The following PPIL2 variants were observed in gnomAD, a reference collection of about 807,000 sequenced individuals.
PPIL2 encodes the protein RING-type E3 ubiquitin-protein ligase PPIL2.
Under a neutral mutation model 75.2 loss-of-function variants are expected in PPIL2, and 50 were observed. That is an observed-to-expected ratio of 0.66 (90% CI 0.53 to 0.84). The LOEUF is 0.84. PPIL2 is among the 40% of genes least tolerant of loss of function. The pLI, the probability that PPIL2 is intolerant of heterozygous loss-of-function variation, is 0.00. For synonymous variants in PPIL2, 245 were observed against 258.8 expected, an observed-to-expected ratio of 0.95 and a Z score of 0.51; for missense variants, 590 against 685.0, an observed-to-expected ratio of 0.86 and a Z score of 1.55.
In PPIL2 at chr22:21,675,072, C is replaced by T. The variant is rs765581139; in HGVS notation, c.252C>T (p.Asp84=). ...GTNPSNGEKL[D]GRSLIKLNFS... is the part of the protein sequence containing the mutation. ...AACTGTGCTTCTTCCAGAAGCTGGA[C>T]GGGAGGTCCCTGATCAAGCTGAACT... The change falls in exon 6 of 20, where the codon GAC becomes GAT. Residue 84 remains aspartate, a synonymous_variant. Coordinates refer to ENST00000398831, the MANE Select transcript of PPIL2 (RefSeq NM_014337.4). 9.3e-6 allele frequency: 15 copies of T among 1,611,194 alleles called. No individual in the cohort carries two copies. Among genetic ancestry groups the T allele is most frequent in the East Asian group, 6.7e-5 (3 of 44,872 alleles).
intron 4 of PPIL2, among the ~76,000 whole-genome samples, chr22:21,671,635 T>C (rs1376000791): frequency 1.3e-5 from 2 of 152,118 alleles, no homozygotes; most frequent in African/African-American, 4.8e-5. Context: ...CTTGAACTCC[T>C]GCGCTGAAGC....
rs1251524001 is a variant in PPIL2 at position 21,697,837 on chromosome 22, A to G, written c.*2347A>G. 6.6e-6 allele frequency: 1 copy of G among 152,330 alleles called. No individual in the cohort carries two copies. The highest frequency in any genetic ancestry group is 1.5e-5 in the Non-Finnish European group (1 of 68,034). 9.4% of individuals were successfully genotyped at this position (152,330 alleles called of 1,614,324 possible). On this transcript the variant is annotated 3_prime_UTR_variant, in exon 20 of 20. Transcript: ENST00000398831. ...TTTAGAGCTTAATTTGTAGTTTTTT[A>G]GCTATTAAAACCATTTGAATTTTTA... is the stretch of plus-strand genomic sequence containing the variant.
chr22:21,687,702 C>T lies in PPIL2; in HGVS notation c.957C>T (p.Thr319=). ...RLCKKHYYDG[T]IFHRSIRNFV... ...GCAAGAAGCATTATTACGATGGCAC[C>T]ATCTTCCACAGATCCATCCGGAACT... The change falls in exon 13 of 20, where the codon ACC becomes ACT. Residue 319 remains threonine (T), a synonymous_variant. Coordinates refer to ENST00000398831, the MANE Select transcript of PPIL2 (RefSeq NM_014337.4). The T allele has an allele frequency of 6.2e-7, 1 of 1,614,070 alleles. No homozygotes were observed. The highest frequency in any genetic ancestry group is 8.5e-7 in the Non-Finnish European group (1 of 1,179,960).
chr22:21,691,012 C>T (rs1459704390), intron 15 of PPIL2, among the ~76,000 whole-genome samples: 1 of 132,474 alleles, frequency 7.5e-6, no homozygotes, highest in African/African-American at 2.9e-5. Flanking sequence ...TCACCCAGGC[C>T]GGAGTGCAAT....
intron 8 of PPIL2, 90 bp from the exon 9 acceptor site, chr22:21,683,092 C>T (rs1054709869): frequency 1.8e-6 from 2 of 1,133,522 alleles, no homozygotes; most frequent in East Asian, 2.3e-5. Flanking sequence ...CTCTTCCACA[C>T]CTCTGACAGC....
intron 6 of PPIL2, among the ~76,000 whole-genome samples, chr22:21,680,912 G>A (rs567394745): frequency 2.7e-5 from 4 of 150,630 alleles, no homozygotes; most frequent in Non-Finnish European, 5.9e-5. Flanking sequence ...TCTGAAGGAA[G>A]AGCTGACCAG....
At chr22:21,695,167 G>A (rs1161211525) in intron 19 of PPIL2, 97 bp downstream of exon 19, 15 of 1,451,866 alleles carry the variant, frequency 1.0e-5, no homozygotes, top group Middle Eastern at 2.3e-4. Flanking sequence ...CAAGCTATGG[G>A]CACTGGTCCC....
intron 15 of PPIL2, among the ~76,000 whole-genome samples, chr22:21,691,590 G>C (rs1167896123): frequency 6.6e-6 from 1 of 151,908 alleles, no homozygotes; most frequent in Admixed American, 6.6e-5. Context: ...TGAGGCAGGA[G>C]AATGGCGTGA....
At position 21,692,436 on chromosome 22, in the gene PPIL2, G is replaced by C. The variant is rs965045587; in HGVS notation, c.1140-1380G>C. 4.0e-5 allele frequency among the ~76,000 whole-genome samples: 6 copies of C among 151,728 alleles called. No individual in the cohort carries two copies. The East Asian group carries it at 9.8e-4, about 25-fold the overall frequency. On this transcript the variant is annotated intron_variant, in intron 15 of 19. Coordinates refer to ENST00000398831, the MANE Select transcript of PPIL2 (RefSeq NM_014337.4). ...CCCAAAGTGCTGGGATTACAGGCGT[G>C]AGCCACTGTGCCTGGCCAATCCTGA...
At position 21,693,890 on chromosome 22, in the gene PPIL2, G is replaced by A; in HGVS notation, c.1196+18G>A. On this transcript the variant is annotated intron_variant, in intron 16 of 19. Transcript: ENST00000398831. ...TTTGGACGGTAAGGGAAGCGGCTGT[G>A]TGAAGCCTGGGGGGTCAGTGGGCTA... 6.5e-7 allele frequency: 1 copy of A among 1,529,816 alleles called. No individual in the cohort carries two copies. 94.8% of individuals were successfully genotyped at this position (1,529,816 alleles called of 1,614,324 possible). A position where few individuals can be genotyped will look rare whatever the true frequency, so the allele number is the denominator to read the frequency against.
intron 10 of PPIL2, 34 bp from the exon 11 acceptor site, chr22:21,686,435 ACTGCCTCCCATGGC>A (rs1569036271): frequency 1.3e-6 from 2 of 1,568,078 alleles, no homozygotes; most frequent in South Asian, 2.2e-5. Context: ...TCCCCACCCA[ACTGCCTCCCATGGC>A]ACTGCTGAGG....
intron 6 of PPIL2, among the ~76,000 whole-genome samples, chr22:21,677,197 C>T (rs1669118): frequency 0.25 from 37,274 of 151,548 alleles, 4,589 homozygotes; most frequent in Middle Eastern, 0.31. Flanking sequence ...AGAGACACTC[C>T]TCACCTCCCA....
At chr22:21,698,592 A>C (rs964263817), downstream of PPIL2, 5 of 152,360 alleles carry the variant, frequency 3.3e-5, no homozygotes, top group Admixed American at 6.5e-5. Flanking sequence ...AGAGGAATGA[A>C]GACTCACTCA....
rs1217902567 is a variant in PPIL2 at position 21,685,928 on chromosome 22, G to C, written c.715-555G>C. ...CTCACACCTGTAATCCCAGCATTTTGGGAGGCTGAGGCAGGAGGATTGCTT... is the reference window on the plus strand; with the variant it reads ...CTCACACCTGTAATCCCAGCATTTTCGGAGGCTGAGGCAGGAGGATTGCTT... On this transcript the variant is annotated intron_variant, in intron 10 of 19. Coordinates refer to ENST00000398831, the MANE Select transcript of PPIL2 (RefSeq NM_014337.4). Among the ~76,000 whole-genome samples the C allele has an allele frequency of 2.0e-5, 3 of 151,546 alleles. No homozygotes were observed. The East Asian group carries it at 5.9e-4, about 30-fold the overall frequency.
intron 12 of PPIL2, 86 bp downstream of exon 12, chr22:21,687,084 T>A: frequency 1.6e-6 from 2 of 1,241,726 alleles, no homozygotes; most frequent in Admixed American, 1.7e-5. Context: ...GGGCTGCCAC[T>A]GGTATGTGCT....
At position 21,696,276 on chromosome 22, in the gene PPIL2, C is replaced by T. The variant is rs1019043013; in HGVS notation, c.*786C>T. On this transcript the variant is annotated 3_prime_UTR_variant, in exon 20 of 20. Coordinates refer to ENST00000398831, the MANE Select transcript of PPIL2 (RefSeq NM_014337.4). ...GCTGTGAACCACCTGGGCTTCATCT[C>T]AAGCCTGCCTGGCGTCTCTGTGCCC... is the stretch of plus-strand genomic sequence containing the variant. 16 of 1,035,926 alleles carry T rather than the reference C, an allele frequency of 1.5e-5. No homozygotes were observed. In the Admixed American group the frequency reaches 4.0e-4, roughly 26 times the overall value. The allele number at this position is 1,035,926 out of a possible 1,614,324, so 64.2% of individuals were successfully genotyped here.
intron 4 of PPIL2, among the ~76,000 whole-genome samples, chr22:21,671,486 G>C (rs972398766): frequency 2.0e-5 from 3 of 152,192 alleles, no homozygotes; most frequent in Admixed American, 6.5e-5. Context: ...GTAACACTCT[G>C]TGGATCTATT....
intron 16 of PPIL2, 86 bp downstream of exon 16, chr22:21,693,958 C>T (rs1247845496): frequency 8.7e-6 from 12 of 1,383,026 alleles, no homozygotes; most frequent in Non-Finnish European, 1.1e-5. Flanking sequence ...CTGCCTTTTT[C>T]GTGGACCTGA....
At chr22:21,676,777 A>G (rs1346728741) in intron 6 of PPIL2, among the ~76,000 whole-genome samples, 3 of 152,230 alleles carry the variant, frequency 2.0e-5, no homozygotes, top group Admixed American at 6.5e-5. Context: ...AGACACAGCA[A>G]CAATCTGATT....
Sources: allele counts gnomAD v4.1 joint callset (sites outside exome capture counted in the v4.1 genomes callset), GRCh38; gene constraint gnomAD v4.1.1; transcripts MANE v1.5; gene names NCBI Gene and HGNC (gene_info 2026-07-23, HGNC 2026-07-21).